The following PTPRM variants were observed in gnomAD, a reference collection of about 807,000 sequenced individuals.
PTPRM encodes receptor-type tyrosine-protein phosphatase mu.
In PTPRM, 47 loss-of-function variants were observed where a neutral mutation model predicts 186.7. The ratio of observed to expected loss-of-function variants is 0.25; its 90% CI spans 0.20 to 0.32. The LOEUF (loss-of-function observed/expected upper bound fraction) is 0.32. Ranked by LOEUF, PTPRM falls within the 10% of genes least tolerant of loss-of-function variation. The pLI is 1.00. For missense variants in PTPRM, 1,494 were observed against 1,865.0 expected (o/e 0.80, Z 3.66); for synonymous variants, 668 against 674.9 (o/e 0.99, Z 0.16).
chr18:7,720,452 A>G (rs1241506712), intron 1 of PTPRM, among the ~76,000 whole-genome samples: 3 of 152,228 alleles, frequency 2.0e-5, no homozygotes. Context: ...GAAATGATAG[A>G]CTTAAAAAAA....
intron 1 of PTPRM, among the ~76,000 whole-genome samples, chr18:7,637,054 G>A (rs1277311350): frequency 6.6e-6 from 1 of 151,518 alleles, no homozygotes; most frequent in Non-Finnish European, 1.5e-5. Context: ...TGTAATCCCA[G>A]CTACTTGGGA....
intron 23 of PTPRM, among the ~76,000 whole-genome samples, chr18:8,365,380 A>T (rs760871412): frequency 1.3e-5 from 2 of 152,178 alleles, no homozygotes; most frequent in Non-Finnish European, 1.5e-5. Flanking sequence ...GGCAAATCAC[A>T]TGCTCTTCCA....
chr18:7,640,708 TG>T (rs1485013528), intron 1 of PTPRM, among the ~76,000 whole-genome samples: 4 of 152,154 alleles, frequency 2.6e-5, no homozygotes, highest in Non-Finnish European at 5.9e-5. Flanking sequence ...CCTAGTTTAG[TG>T]GAAGAATTGC....
intron 5 of PTPRM, among the ~76,000 whole-genome samples, chr18:7,946,232 C>T (rs1374388797): frequency 1.3e-5 from 2 of 152,138 alleles, no homozygotes; most frequent in Non-Finnish European, 2.9e-5. Flanking sequence ...TCAGTAAGTG[C>T]AAACTTGAAA....
chr18:8,137,947 C>G (rs2092676033), intron 13 of PTPRM, among the ~76,000 whole-genome samples: 1 of 152,170 alleles, frequency 6.6e-6, no homozygotes, highest in South Asian at 2.1e-4. Flanking sequence ...GAGGCACATA[C>G]TCAACTCTAA....
chr18:8,085,369 T>C (rs1351524019), intron 9 of PTPRM, among the ~76,000 whole-genome samples: 2 of 152,138 alleles, frequency 1.3e-5, no homozygotes, highest in Non-Finnish European at 2.9e-5. Context: ...TCTAAACCCA[T>C]TGTAATGTAG....
At chr18:8,103,101 G>T (rs984672627) in intron 11 of PTPRM, among the ~76,000 whole-genome samples, 1 of 152,168 alleles carries the variant, frequency 6.6e-6, no homozygotes, top group Non-Finnish European at 1.5e-5. Flanking sequence ...AATAGATGTG[G>T]TATCATCCAG....
chr18:7,615,465 A>G (rs746466856), intron 1 of PTPRM, among the ~76,000 whole-genome samples: 4 of 152,112 alleles, frequency 2.6e-5, no homozygotes, highest in Non-Finnish European at 5.9e-5. Context: ...GCCCTGTGTC[A>G]TGCTACAGAG....
intron 13 of PTPRM, among the ~76,000 whole-genome samples, chr18:8,128,116 A>C (rs2092417079): frequency 6.6e-6 from 1 of 152,192 alleles, no homozygotes; most frequent in Admixed American, 6.6e-5. Flanking sequence ...GATAAAAATT[A>C]AGGGAAGAAA....
intron 1 of PTPRM, among the ~76,000 whole-genome samples, chr18:7,655,159 A>G (rs1425216651): frequency 1.3e-5 from 2 of 151,954 alleles, no homozygotes; most frequent in Non-Finnish European, 2.9e-5. Context: ...TAGGTCCTTT[A>G]CTTATCTTGT....
chr18:8,328,821 C>T (rs1412283488), intron 22 of PTPRM, among the ~76,000 whole-genome samples: 1 of 152,166 alleles, frequency 6.6e-6, no homozygotes, highest in South Asian at 2.1e-4. Flanking sequence ...TCCTTTTAAA[C>T]AATAATTTCT....
At chr18:8,270,413 A>T (rs1243225197) in intron 19 of PTPRM, 1 of 152,110 alleles carries the variant, frequency 6.6e-6, no homozygotes, top group Non-Finnish European at 1.5e-5. Context: ...AAATCAACCT[A>T]AGTGTTGGCA....
intron 15 of PTPRM, 75 bp downstream of exon 15, chr18:8,244,284 C>CAAA (rs71896963): frequency 0.045 from 49,162 of 1,081,638 alleles, 355 homozygotes; most frequent in Non-Finnish European, 0.053. Context: ...TAGGGGATTT[C>CAAA]AAAAAAAAAA....
At chr18:8,039,075 G>A (rs1278387199) in intron 7 of PTPRM, among the ~76,000 whole-genome samples, 1 of 152,076 alleles carries the variant, frequency 6.6e-6, no homozygotes, top group African/African-American at 2.4e-5. Flanking sequence ...AATTCTGTAA[G>A]AGATTTTTAA....
At chr18:8,219,205 C>T (rs943041498) in intron 14 of PTPRM, among the ~76,000 whole-genome samples, 3 of 152,210 alleles carry the variant, frequency 2.0e-5, no homozygotes, top group African/African-American at 4.8e-5. Context: ...CGGTGGCTTA[C>T]GCCTGTAATC....
intron 2 of PTPRM, among the ~76,000 whole-genome samples, chr18:7,868,326 T>A (rs2047815924): frequency 6.6e-6 from 1 of 152,334 alleles, no homozygotes; most frequent in South Asian, 2.1e-4. Flanking sequence ...CCCATCTTCG[T>A]TGGTTTATCT....
chr18:8,046,108 G>C (rs537220646), intron 7 of PTPRM, among the ~76,000 whole-genome samples: 1 of 152,104 alleles, frequency 6.6e-6, no homozygotes, highest in Admixed American at 6.5e-5. Flanking sequence ...ATAAGTGCTT[G>C]TCATTTCCCT....
At chr18:7,699,556 G>A (rs1433011289) in intron 1 of PTPRM, among the ~76,000 whole-genome samples, 3 of 151,948 alleles carry the variant, frequency 2.0e-5, no homozygotes, top group Non-Finnish European at 4.4e-5. Flanking sequence ...CTACAGCCAC[G>A]TGCCACCACA....
intron 4 of PTPRM, 44 bp downstream of exon 4, chr18:7,906,627 G>T (rs764030336): frequency 1.4e-6 from 2 of 1,423,892 alleles, no homozygotes; most frequent in Admixed American, 1.7e-5. Flanking sequence ...ATCATTGGGG[G>T]CATGTTTACA....
Sources: allele counts gnomAD v4.1 joint callset (sites outside exome capture counted in the v4.1 genomes callset), GRCh38; gene constraint gnomAD v4.1.1; transcripts MANE v1.5; gene names NCBI Gene and HGNC (gene_info 2026-07-23, HGNC 2026-07-21).